Variants in TRPC4 observed in about 807,000 individuals in gnomAD.
The protein encoded by TRPC4 is short transient receptor potential channel 4.
A neutral mutation model predicts 99.4 loss-of-function variants in TRPC4; 49 were observed. The ratio of observed to expected loss-of-function variants is 0.49; its 90% CI spans 0.39 to 0.63. The LOEUF is 0.63. Among genes scored for constraint, TRPC4 ranks in the 20% least tolerant of loss-of-function variants. The pLI is 0.00. For synonymous variants in TRPC4, 454 were observed against 425.9 expected (o/e 1.07, Z -0.81); for missense variants, 898 against 1,152.9 (o/e 0.78, Z 3.20).
At chr13:37,682,848 C>A (rs1953296476) in intron 4 of TRPC4, among the ~76,000 whole-genome samples, 1 of 151,724 alleles carries the variant, frequency 6.6e-6, no homozygotes, top group Non-Finnish European at 1.5e-5. Context: ...CTCCTGAGCT[C>A]ATGCAATGCT....
chr13:37,673,948 T>C (rs911760102), intron 5 of TRPC4, among the ~76,000 whole-genome samples: 29 of 152,144 alleles, frequency 1.9e-4, no homozygotes, highest in Admixed American at 1.7e-3. Context: ...GATTAGAAAC[T>C]AGAGCAGTTA....
intron 3 of TRPC4, among the ~76,000 whole-genome samples, chr13:37,745,533 TATACGTATATA>T: frequency 1.3e-5 from 1 of 76,564 alleles, no homozygotes; most frequent in South Asian, 4.3e-4. Flanking sequence ...TATATGTATA[TATACGTATATA>T]TATATATATA....
intron 3 of TRPC4, among the ~76,000 whole-genome samples, chr13:37,738,755 C>T (rs1040035533): frequency 6.6e-6 from 1 of 152,010 alleles, no homozygotes; most frequent in Non-Finnish European, 1.5e-5. Flanking sequence ...AATGTTCCCA[C>T]CTGGCTGAAA....
chr13:37,736,443 G>A (rs556994356), intron 3 of TRPC4, among the ~76,000 whole-genome samples: 1 of 152,208 alleles, frequency 6.6e-6, no homozygotes, highest in African/African-American at 2.4e-5. Flanking sequence ...GTAGTCTCAC[G>A]TATGAAAATC....
intron 2 of TRPC4, among the ~76,000 whole-genome samples, chr13:37,753,515 T>C (rs1350184701): frequency 2.0e-5 from 3 of 149,212 alleles, no homozygotes; most frequent in African/African-American, 7.4e-5. Context: ...GGAAAGGATA[T>C]GATTGCACCC....
chr13:37,669,260 TGAG>T (rs1482613881), intron 5 of TRPC4, among the ~76,000 whole-genome samples: 1 of 152,156 alleles, frequency 6.6e-6, no homozygotes, highest in Non-Finnish European at 1.5e-5. Context: ...AAGATAAATA[TGAG>T]AAGTGTTACA....
intron 1 of TRPC4, among the ~76,000 whole-genome samples, chr13:37,812,345 A>G (rs952943600): frequency 7.5e-6 from 1 of 134,228 alleles, no homozygotes; most frequent in Non-Finnish European, 1.5e-5. Context: ...TATAAGTATG[A>G]AAAAAAATAC....
chr13:37,703,684 CAT>C (rs1009567297), intron 3 of TRPC4, among the ~76,000 whole-genome samples: 5 of 152,070 alleles, frequency 3.3e-5, no homozygotes, highest in African/African-American at 1.2e-4. Context: ...CTAATTAAAA[CAT>C]ATGTTGATAC....
chr13:37,683,720 C>T (rs1464302798), intron 4 of TRPC4, among the ~76,000 whole-genome samples: 1 of 152,054 alleles, frequency 6.6e-6, no homozygotes. Context: ...CCCCATCGTC[C>T]CTAAAGCAAC....
chr13:37,776,006 G>A (rs955953444), intron 2 of TRPC4, among the ~76,000 whole-genome samples: 17 of 151,782 alleles, frequency 1.1e-4, no homozygotes, highest in African/African-American at 3.9e-4. Context: ...ATTAATATAT[G>A]AGTCAGAATA....
intron 2 of TRPC4, among the ~76,000 whole-genome samples, chr13:37,772,150 C>T (rs1956567467): frequency 7.9e-5 from 12 of 151,766 alleles, no homozygotes; most frequent in Admixed American, 7.9e-4. Context: ...AAACTTCTCA[C>T]TGGATTCTCT....
chr13:37,711,511 C>T (rs761168405), intron 3 of TRPC4, among the ~76,000 whole-genome samples: 11 of 151,696 alleles, frequency 7.3e-5, no homozygotes, highest in East Asian at 1.9e-4. Context: ...AGTTTTATTC[C>T]CTGTGCTCCC....
chr13:37,812,197 C>CAAAAAAAA (rs1156963631), intron 1 of TRPC4, among the ~76,000 whole-genome samples: 5 of 111,198 alleles, frequency 4.5e-5, no homozygotes, highest in African/African-American at 6.2e-5. Flanking sequence ...AAAAAAAAAC[C>CAAAAAAAA]AGGAGATCTA....
In TRPC4 at chr13:37,633,007, C is replaced by T. The variant is rs939000536; in HGVS notation, c.*3896G>A. Among the ~76,000 whole-genome samples the T allele has an allele frequency of 6.6e-6, 1 of 152,158 alleles. No individual in the cohort carries two copies. Among genetic ancestry groups the T allele is most frequent in the African/African-American group, 2.4e-5 (1 of 41,434 alleles). Reference sequence around the variant, plus strand: ...GAGGAGGTTTTTGTTTAAGCCCCAACTTGACCACCAAACACATGGGTAAAT... The same window carrying T: ...GAGGAGGTTTTTGTTTAAGCCCCAATTTGACCACCAAACACATGGGTAAAT... On this transcript the variant is annotated 3_prime_UTR_variant, in exon 11 of 11. Transcript: ENST00000379705.
chr13:37,854,394 T>A (rs905128413), intron 1 of TRPC4, among the ~76,000 whole-genome samples: 1 of 152,092 alleles, frequency 6.6e-6, no homozygotes, highest in Non-Finnish European at 1.5e-5. Flanking sequence ...AGGGATTTCA[T>A]CAATACCAGA....
intron 3 of TRPC4, among the ~76,000 whole-genome samples, chr13:37,735,893 T>C (rs942507522): frequency 2.0e-5 from 3 of 152,202 alleles, no homozygotes; most frequent in African/African-American, 7.2e-5. Context: ...CAATTTGCTG[T>C]TTTATGTTTT....
At chr13:37,824,602 C>T (rs9576375) in intron 1 of TRPC4, among the ~76,000 whole-genome samples, 1 of 151,422 alleles carries the variant, frequency 6.6e-6, no homozygotes, top group Admixed American at 6.6e-5. Context: ...TTGAACCAGC[C>T]TTGCATCCCA....
intron 3 of TRPC4, among the ~76,000 whole-genome samples, chr13:37,701,264 T>C (rs1173549605): frequency 6.6e-6 from 1 of 152,190 alleles, no homozygotes; most frequent in Non-Finnish European, 1.5e-5. Context: ...AATTATTCTT[T>C]GGCGTAATTT....
At chr13:37,788,631 C>T (rs1593745605) in intron 1 of TRPC4, among the ~76,000 whole-genome samples, 1 of 152,180 alleles carries the variant, frequency 6.6e-6, no homozygotes, top group East Asian at 1.9e-4. Context: ...CCACAGACTC[C>T]TTTTCTTCAG....
Sources: gnomAD v4.1 joint callset for allele counts (sites outside exome capture counted in the v4.1 genomes callset) on GRCh38, gnomAD v4.1.1 for gene constraint, MANE v1.5 for transcripts, NCBI Gene and HGNC (gene_info 2026-07-23, HGNC 2026-07-21) for gene names.